Variants in ZNF804B observed in about 807,000 individuals in gnomAD.
ZNF804B encodes the protein zinc finger 804B.
Under a neutral mutation model 101.4 loss-of-function variants are expected in ZNF804B, and 80 were observed. That is an observed-to-expected ratio of 0.79 (90% CI 0.66 to 0.95). The LOEUF is 0.95. Ranked by LOEUF, ZNF804B falls within the 40% of genes least tolerant of loss-of-function variation. The probability of loss-of-function intolerance (pLI) is 0.00; values close to 1 mark genes in which losing one functional copy is unlikely to be tolerated. For missense variants in ZNF804B, 1,673 were observed against 1,561.9 expected (o/e 1.07, Z -1.20); for synonymous variants, 622 against 558.8 (o/e 1.11, Z -1.59).
At position 89,043,243 on chromosome 7, in the gene ZNF804B, TG is replaced by T. The variant is rs372771920; in HGVS notation, c.109-174911del. Among the ~76,000 whole-genome samples, 16 of 152,306 alleles carry T rather than the reference TG, an allele frequency of 1.1e-4. No homozygotes were observed. In the East Asian group the frequency reaches 2.5e-3, roughly 24 times the overall value. Reference sequence around the variant, plus strand: ...ATAAACAAGGAAAAATGGAATTTCTTGCCATAAGATGAGGGTCAGTTTGAAG... The same window carrying T: ...ATAAACAAGGAAAAATGGAATTTCTTCCATAAGATGAGGGTCAGTTTGAAG... On this transcript the variant is annotated intron_variant, in intron 1 of 3. Coordinates refer to ENST00000333190, the MANE Select transcript of ZNF804B (RefSeq NM_181646.5).
chr7:88,801,719 TACTG>T (rs1583945355), intron 1 of ZNF804B, among the ~76,000 whole-genome samples: 1 of 151,948 alleles, frequency 6.6e-6, no homozygotes, highest in Non-Finnish European at 1.5e-5. Context: ...GAAACAAAAT[TACTG>T]ACAAACATTT....
chr7:89,211,587 G>A (rs1788804941), intron 1 of ZNF804B, among the ~76,000 whole-genome samples: 1 of 151,786 alleles, frequency 6.6e-6, no homozygotes, highest in Admixed American at 6.6e-5. Flanking sequence ...GCATATGGCT[G>A]GCCAGTTCTC....
chr7:88,877,060 T>TGAAAAAAAAAAATATATA (rs1791964185), intron 1 of ZNF804B, among the ~76,000 whole-genome samples: 1 of 68,270 alleles, frequency 1.5e-5, no homozygotes, highest in Non-Finnish European at 2.7e-5. Flanking sequence ...TTTTTTTTTT[T>TGAAAAAAAAAAATATATA]TTTTTTTTTT....
intron 2 of ZNF804B, among the ~76,000 whole-genome samples, chr7:89,224,798 C>T (rs1789061593): frequency 6.6e-6 from 1 of 150,920 alleles, no homozygotes; most frequent in Admixed American, 6.6e-5. Flanking sequence ...GCAGTAGTTG[C>T]AACCTTTATT....
chr7:88,971,397 A>C (rs558707733), intron 1 of ZNF804B, among the ~76,000 whole-genome samples: 3 of 151,668 alleles, frequency 2.0e-5, no homozygotes, highest in Non-Finnish European at 4.4e-5. Flanking sequence ...GAAATGTATA[A>C]ATATATATTA....
At chr7:89,120,675 T>TTAAAAATC (rs1790391524) in intron 1 of ZNF804B, among the ~76,000 whole-genome samples, 1 of 104,540 alleles carries the variant, frequency 9.6e-6, no homozygotes, top group African/African-American at 4.0e-5. Flanking sequence ...AAAAAAAAAA[T>TTAAAAATC]TAAAAATCCA....
chr7:89,153,429 GATAATAATAATAATA>G (rs58654760), intron 1 of ZNF804B, among the ~76,000 whole-genome samples: 69 of 145,534 alleles, frequency 4.7e-4, no homozygotes, highest in African/African-American at 1.6e-3. Context: ...TGATGATGAT[GATAATAATAATAATA>G]ATAATAATAA....
chr7:89,097,692 A>G (rs2116333789), intron 1 of ZNF804B, among the ~76,000 whole-genome samples: 1 of 152,346 alleles, frequency 6.6e-6, no homozygotes, highest in Admixed American at 6.5e-5. Context: ...AATACCTATC[A>G]AAACATTAAA....
At chr7:89,314,292 A>T (rs913879096) in intron 2 of ZNF804B, among the ~76,000 whole-genome samples, 1 of 152,112 alleles carries the variant, frequency 6.6e-6, no homozygotes, top group African/African-American at 2.4e-5. Flanking sequence ...GACAACCTTA[A>T]ATTCTTAGGC....
At chr7:88,875,043 C>T (rs1791906133) in intron 1 of ZNF804B, among the ~76,000 whole-genome samples, 1 of 130,406 alleles carries the variant, frequency 7.7e-6, no homozygotes, top group Non-Finnish European at 1.6e-5. Context: ...ACTGAACAAC[C>T]TGCTCCTGAA....
Position 89,334,919 on chromosome 7 carries a change from T to C in ZNF804B, c.1937T>C (p.Leu646Ser). Residue 646 changes from leucine to serine, a missense_variant, in exon 4 of 4, where the codon TTG becomes TCG. Coordinates refer to ENST00000333190, the MANE Select transcript of ZNF804B (RefSeq NM_181646.5). ...KHKLIPCSPH[L>S]EFEDERQFNC... ...AAATTGATTCCCTGCAGTCCTCATT[T>C]GGAATTTGAAGATGAAAGACAATTC... 1 of 1,613,916 alleles carries C rather than the reference T, an allele frequency of 6.2e-7. No individual in the cohort carries two copies. Among genetic ancestry groups the C allele is most frequent in the Non-Finnish European group, 8.5e-7 (1 of 1,179,902 alleles).
intron 1 of ZNF804B, among the ~76,000 whole-genome samples, chr7:88,916,490 T>G (rs1329247537): frequency 6.6e-6 from 1 of 152,148 alleles, no homozygotes; most frequent in Non-Finnish European, 1.5e-5. Context: ...GTTTAGCAGA[T>G]TCCATTCATC....
chr7:88,889,102 C>A (rs1053054427), intron 1 of ZNF804B, among the ~76,000 whole-genome samples: 8 of 152,250 alleles, frequency 5.3e-5, no homozygotes, highest in African/African-American at 1.7e-4. Context: ...ATCCATGTTG[C>A]TGCAAAGGAT....
At chr7:89,303,095 C>G (rs1790507497) in intron 2 of ZNF804B, among the ~76,000 whole-genome samples, 1 of 151,792 alleles carries the variant, frequency 6.6e-6, no homozygotes, top group Non-Finnish European at 1.5e-5. Context: ...ATGAGTGTGT[C>G]TCATACATTT....
intron 1 of ZNF804B, among the ~76,000 whole-genome samples, chr7:89,192,228 T>C (rs949532849): frequency 3.9e-5 from 6 of 152,102 alleles, no homozygotes; most frequent in African/African-American, 7.2e-5. Flanking sequence ...TCTATCACCC[T>C]TGAGAGTTAT....
At chr7:88,874,785 A>T (rs1026910403) in intron 1 of ZNF804B, among the ~76,000 whole-genome samples, 2 of 151,924 alleles carry the variant, frequency 1.3e-5, no homozygotes, top group African/African-American at 2.4e-5. Flanking sequence ...CCAGGAATTG[A>T]ACTCAGCTCT....
chr7:88,979,874 A>G (rs1376264158), intron 1 of ZNF804B, among the ~76,000 whole-genome samples: 1 of 150,992 alleles, frequency 6.6e-6, no homozygotes, highest in Admixed American at 6.6e-5. Context: ...AGGGTATTTT[A>G]TAGATTTTGT....
chr7:89,048,267 C>T (rs1413661850), intron 1 of ZNF804B, among the ~76,000 whole-genome samples: 1 of 151,766 alleles, frequency 6.6e-6, no homozygotes, highest in African/African-American at 2.4e-5. Flanking sequence ...GAATTAATGG[C>T]ATTTGCAGCA....
At chr7:89,279,564 G>A (rs577604487) in intron 2 of ZNF804B, among the ~76,000 whole-genome samples, 2,863 of 151,860 alleles carry the variant, frequency 0.019, 75 homozygotes, top group African/African-American at 0.065. Context: ...AGCATGAAGC[G>A]TTGTTGAATT....
Sources: gnomAD v4.1 joint callset for allele counts (sites outside exome capture counted in the v4.1 genomes callset) on GRCh38, gnomAD v4.1.1 for gene constraint, MANE v1.5 for transcripts, NCBI Gene and HGNC (gene_info 2026-07-23, HGNC 2026-07-21) for gene names.